The following GDAP1L1 variants were observed in gnomAD, a reference collection of about 807,000 sequenced individuals.
GDAP1L1 encodes the protein ganglioside induced differentiation associated protein 1 like 1.
GDAP1L1 carries 21 observed loss-of-function variants against 37.1 expected under a neutral mutation model. The observed-to-expected ratio is 0.57, with a 90% CI of 0.40 to 0.81. The LOEUF is 0.81. Ranked by LOEUF, GDAP1L1 falls within the 40% of genes least tolerant of loss-of-function variation. GDAP1L1 has a pLI of 0.00. For missense variants in GDAP1L1, 362 were observed against 491.6 expected, an observed-to-expected ratio of 0.74 and a Z score of 2.49; for synonymous variants, 193 against 209.1, an observed-to-expected ratio of 0.92 and a Z score of 0.67.
At chr20:44,270,034 G>A (rs533793540) in intron 5 of GDAP1L1, among the ~76,000 whole-genome samples, 1 of 152,302 alleles carries the variant, frequency 6.6e-6, no homozygotes, top group African/African-American at 2.4e-5. Context: ...CCAATACATG[G>A]TGTTTAAAGC....
chr20:44,260,683 G>C (rs761083358), intron 3 of GDAP1L1, among the ~76,000 whole-genome samples: 2 of 152,124 alleles, frequency 1.3e-5, no homozygotes, highest in African/African-American at 2.4e-5. Context: ...AGGTAGAAGG[G>C]GAGAAAGAGG....
intron 2 of GDAP1L1, among the ~76,000 whole-genome samples, chr20:44,257,616 G>A (rs2073585246): frequency 1.3e-5 from 2 of 151,430 alleles, no homozygotes; most frequent in African/African-American, 4.9e-5. Flanking sequence ...CCCCCCACCA[G>A]GAGCAGTGGG....
intron 5 of GDAP1L1, among the ~76,000 whole-genome samples, chr20:44,274,521 C>T (rs535273198): frequency 6.6e-6 from 1 of 152,206 alleles, no homozygotes; most frequent in African/African-American, 2.4e-5. Context: ...AACGCAGTCA[C>T]CAGTTCTCAG....
chr20:44,255,652 C>A (rs1367612103), intron 1 of GDAP1L1, among the ~76,000 whole-genome samples: 1 of 151,932 alleles, frequency 6.6e-6, no homozygotes, highest in Non-Finnish European at 1.5e-5. Context: ...AGGTTCTGCC[C>A]ATGACGCTGC....
intron 1 of GDAP1L1, among the ~76,000 whole-genome samples, chr20:44,253,608 C>T (rs1306985490): frequency 6.6e-6 from 1 of 152,184 alleles, no homozygotes; most frequent in East Asian, 1.9e-4. Context: ...AGTTCGTTTA[C>T]CTAGAGATGG....
intron 3 of GDAP1L1, among the ~76,000 whole-genome samples, chr20:44,260,447 G>A (rs2073651468): frequency 6.6e-6 from 1 of 152,142 alleles, no homozygotes; most frequent in African/African-American, 2.4e-5. Flanking sequence ...TGCAGCTGCA[G>A]AGGACAGAGA....
At position 44,279,346 on chromosome 20, in the gene GDAP1L1, G is replaced by C. The variant is rs1568661539; in HGVS notation, c.*46G>C. On this transcript the variant is annotated 3_prime_UTR_variant, in exon 6 of 6. Coordinates refer to ENST00000342560, the MANE Select transcript of GDAP1L1 (RefSeq NM_024034.6). ...GTCTGACTGTCGGTGTCTCTGTGCT[G>C]TGTGATTCCCCGTGAGCTCTCAGTA... 1 of 1,255,994 alleles carries C rather than the reference G, an allele frequency of 8.0e-7. No individual in the cohort carries two copies. The highest frequency in any genetic ancestry group is 2.3e-5 in the East Asian group (1 of 43,202). 77.8% of individuals were successfully genotyped at this position (1,255,994 alleles called of 1,614,324 possible).
chr20:44,267,510 C>T (rs1334095147), intron 5 of GDAP1L1, among the ~76,000 whole-genome samples: 1 of 151,534 alleles, frequency 6.6e-6, no homozygotes, highest in Non-Finnish European at 1.5e-5. Flanking sequence ...ATGTGGGAGG[C>T]TGAGGCAGGA....
chr20:44,278,753 AAAAG>A (rs1401148356), intron 5 of GDAP1L1, among the ~76,000 whole-genome samples, 200 bp from the exon 6 acceptor site: 2 of 152,228 alleles, frequency 1.3e-5, no homozygotes, highest in Non-Finnish European at 2.9e-5. Context: ...AGAATAAAAA[AAAAG>A]AAAAACAGTC....
At chr20:44,273,880 TGAGAAAATCAAAGCATTAGAAA>T (rs1292426491) in intron 5 of GDAP1L1, among the ~76,000 whole-genome samples, 2 of 152,162 alleles carry the variant, frequency 1.3e-5, no homozygotes, top group Non-Finnish European at 2.9e-5. Context: ...AATATATCAC[TGAGAAAATCAAAGCATTAGAAA>T]GAGATCTTCA....
chr20:44,259,790 T>C (rs1389990475), intron 3 of GDAP1L1, among the ~76,000 whole-genome samples: 2 of 152,126 alleles, frequency 1.3e-5, no homozygotes, highest in African/African-American at 2.4e-5. Flanking sequence ...AGCCACCATA[T>C]GTGGCCAAGA....
intron 1 of GDAP1L1, among the ~76,000 whole-genome samples, chr20:44,249,145 C>T (rs924779239): frequency 4.0e-5 from 6 of 151,892 alleles, no homozygotes; most frequent in Non-Finnish European, 5.9e-5. Context: ...AAGTGATTCT[C>T]CTGTCTCAGC....
At position 44,277,215 on chromosome 20, in the gene GDAP1L1, C is replaced by A. The variant is rs746312779; in HGVS notation, c.761-1742C>A. Among the ~76,000 whole-genome samples the A allele has an allele frequency of 5.9e-5, 9 of 152,034 alleles. 1 individual carries two copies. ...AATTTTTGTATTTTTAGTAGAGCCA[C>A]CCCGGCCTCCCAAAGTGCTGGGATT... On this transcript the variant is annotated intron_variant, in intron 5 of 5. Coordinates refer to ENST00000342560, the MANE Select transcript of GDAP1L1 (RefSeq NM_024034.6).
At chr20:44,261,876 G>T (rs778439135) in intron 3 of GDAP1L1, among the ~76,000 whole-genome samples, 5 of 152,206 alleles carry the variant, frequency 3.3e-5, no homozygotes, top group Non-Finnish European at 7.3e-5. Flanking sequence ...AAGCTTTCAG[G>T]AAAGGAGGAT....
At chr20:44,268,808 T>C (rs1033213327) in intron 5 of GDAP1L1, among the ~76,000 whole-genome samples, 1 of 152,126 alleles carries the variant, frequency 6.6e-6, no homozygotes, top group African/African-American at 2.4e-5. Context: ...AGGGGAGAGC[T>C]GGAGCGGGTG....
intron 5 of GDAP1L1, among the ~76,000 whole-genome samples, chr20:44,276,321 C>A (rs990130208): frequency 1.5e-5 from 2 of 130,336 alleles, no homozygotes; most frequent in East Asian, 2.5e-4. Context: ...GGTGACAGAG[C>A]GAGACTTTGT....
chr20:44,266,468 T>C (rs1459561913), intron 5 of GDAP1L1, among the ~76,000 whole-genome samples: 3 of 152,130 alleles, frequency 2.0e-5, no homozygotes, highest in Non-Finnish European at 4.4e-5. Context: ...ATGCTCTCGG[T>C]GGGTGACCTT....
intron 5 of GDAP1L1, among the ~76,000 whole-genome samples, chr20:44,271,596 A>G (rs1317194021): frequency 6.6e-6 from 1 of 152,194 alleles, no homozygotes; most frequent in East Asian, 1.9e-4. Flanking sequence ...GTGAGTGTAG[A>G]TACCTCTTTT....
intron 3 of GDAP1L1, among the ~76,000 whole-genome samples, chr20:44,260,362 C>T (rs2073649920): frequency 1.3e-5 from 2 of 151,458 alleles, no homozygotes; most frequent in South Asian, 4.2e-4. Flanking sequence ...GGTGCTTGCA[C>T]TGCAAGGAGT....
Sources: gnomAD v4.1 joint callset for allele counts (sites outside exome capture counted in the v4.1 genomes callset) on GRCh38, gnomAD v4.1.1 for gene constraint, MANE v1.5 for transcripts, NCBI Gene and HGNC (gene_info 2026-07-23, HGNC 2026-07-21) for gene names.